ARID1B: variants seen among roughly 807,000 people sequenced by gnomAD.
The protein encoded by ARID1B is AT-rich interaction domain 1B, also known as AT-rich interactive domain-containing protein 1B.
ARID1B carries 30 observed loss-of-function variants against 212.3 expected under a neutral mutation model. The ratio of observed to expected loss-of-function variants is 0.14; its 90% CI spans 0.11 to 0.19. The LOEUF (loss-of-function observed/expected upper bound fraction) is 0.19. Ranked by LOEUF, ARID1B falls within the 10% of genes least tolerant of loss-of-function variation. ARID1B has a pLI of 1.00. For synonymous variants in ARID1B, 1,402 were observed against 1,301.7 expected, an observed-to-expected ratio of 1.08 and a Z score of -1.66; for missense variants, 2,891 against 3,204.0, an observed-to-expected ratio of 0.90 and a Z score of 2.36.
chr6:156,996,664 G>T (rs995327459), intron 4 of ARID1B, among the ~76,000 whole-genome samples: 18 of 152,046 alleles, frequency 1.2e-4, no homozygotes, highest in African/African-American at 4.1e-4. Flanking sequence ...GCTGCATTTT[G>T]GGTTTTTTTG....
intron 1 of ARID1B, among the ~76,000 whole-genome samples, chr6:156,811,266 A>G (rs1165026183): frequency 2.6e-5 from 4 of 152,180 alleles, no homozygotes; most frequent in Non-Finnish European, 4.4e-5. Flanking sequence ...TTCCTTTGCT[A>G]TATTTTCTTA....
chr6:157,056,898 C>CT (rs200338498), intron 4 of ARID1B, among the ~76,000 whole-genome samples: 1,864 of 146,228 alleles, frequency 0.013, 15 homozygotes, highest in Non-Finnish European at 0.019. Flanking sequence ...AACTTTTCTT[C>CT]TTTTTTTTAA....
Position 157,148,512 on chromosome 6 carries a change from C to T in ARID1B, c.2762-112C>T, listed in dbSNP as rs556064229. On this transcript the variant is annotated intron_variant, in intron 7 of 19. Transcript: ENST00000636930. The surrounding 1 kb of genome is among the most constrained non-coding windows in gnomAD (Gnocchi z 5.6). ...CAGCAGCAACAGGAAGGGCCTATAA[C>T]GGTCATGACTAATACTCCGTGCTGA... 2.7e-4 allele frequency: 319 copies of T among 1,194,322 alleles called. 2 individuals carry two copies. The Middle Eastern group carries it at 5.4e-3, about 20-fold the overall frequency. The allele number at this position is 1,194,322 out of a possible 1,614,324, so 74.0% of individuals were successfully genotyped here.
At chr6:157,154,062 T>C (rs1298369672) in intron 8 of ARID1B, among the ~76,000 whole-genome samples, 1 of 152,240 alleles carries the variant, frequency 6.6e-6, no homozygotes, top group Non-Finnish European at 1.5e-5. Context: ...TAGTCCTAGA[T>C]GGTACCTGGT....
At chr6:156,802,424 T>G (rs1780855064) in intron 1 of ARID1B, among the ~76,000 whole-genome samples, 1 of 152,228 alleles carries the variant, frequency 6.6e-6, no homozygotes, top group African/African-American at 2.4e-5. Context: ...TTTTTAGGAT[T>G]TAGTAGTTTG....
At chr6:156,905,305 C>T (rs1789287748) in intron 3 of ARID1B, among the ~76,000 whole-genome samples, 1 of 143,340 alleles carries the variant, frequency 7.0e-6, no homozygotes, top group South Asian at 2.2e-4. Context: ...GGAATTGGCT[C>T]ATATGCTTAT....
At chr6:156,838,142 T>A (rs908061427) in intron 2 of ARID1B, among the ~76,000 whole-genome samples, 8 of 152,222 alleles carry the variant, frequency 5.3e-5, no homozygotes, top group Non-Finnish European at 1.2e-4. Context: ...TATTTTATTT[T>A]TTTTAAATAA....
chr6:157,144,250 G>A (rs888070611), intron 7 of ARID1B, among the ~76,000 whole-genome samples: 1 of 152,214 alleles, frequency 6.6e-6, no homozygotes, highest in Non-Finnish European at 1.5e-5. Flanking sequence ...CCAGCTATAA[G>A]CAGAATTCTA....
chr6:156,951,876 C>T (rs1488408340), intron 4 of ARID1B, among the ~76,000 whole-genome samples: 1 of 151,936 alleles, frequency 6.6e-6, no homozygotes, highest in Non-Finnish European at 1.5e-5. Flanking sequence ...TAATATAGTG[C>T]TAAAAAAGTG....
At chr6:157,095,089 G>A (rs1274595985) in intron 5 of ARID1B, among the ~76,000 whole-genome samples, 2 of 152,148 alleles carry the variant, frequency 1.3e-5, no homozygotes, top group Admixed American at 1.3e-4. Flanking sequence ...TTCAGGATGA[G>A]GTCCCCTGGG....
chr6:157,169,874 CAG>C (rs1423181435), intron 9 of ARID1B: 1 of 152,200 alleles, frequency 6.6e-6, no homozygotes, highest in Non-Finnish European at 1.5e-5. Flanking sequence ...GGCTTTCTCA[CAG>C]AGAGCCCTGG....
chr6:156,793,709 C>T (rs182941829), intron 1 of ARID1B, among the ~76,000 whole-genome samples: 28 of 152,322 alleles, frequency 1.8e-4, no homozygotes, highest in Admixed American at 3.3e-4. Flanking sequence ...GCCTGTCGTT[C>T]TAGTCAGGAG....
intron 13 of ARID1B, among the ~76,000 whole-genome samples, chr6:157,187,888 G>C (rs953150092): frequency 1.1e-4 from 16 of 152,002 alleles, no homozygotes; most frequent in Non-Finnish European, 2.4e-4. Context: ...GGAGGCTGTC[G>C]GCTGGAGCGG....
At chr6:157,133,836 C>T (rs1371319550) in intron 7 of ARID1B, among the ~76,000 whole-genome samples, 2 of 152,180 alleles carry the variant, frequency 1.3e-5, no homozygotes, top group Non-Finnish European at 2.9e-5. Flanking sequence ...GGCCTTCCTC[C>T]TTCCTGGAAG....
intron 4 of ARID1B, among the ~76,000 whole-genome samples, chr6:157,007,913 G>A (rs1779344078): frequency 6.6e-6 from 1 of 151,618 alleles, no homozygotes; most frequent in African/African-American, 2.4e-5. Context: ...CCTGACCTCG[G>A]GATCCGCCCA....
At chr6:156,874,715 T>C (rs1268306793) in intron 2 of ARID1B, among the ~76,000 whole-genome samples, 1 of 152,214 alleles carries the variant, frequency 6.6e-6, no homozygotes, top group East Asian at 1.9e-4. Flanking sequence ...GTGCCATTAT[T>C]TGTGACTTGG....
At chr6:157,039,694 CTTCTTTCTTTCCTTTCT>C (rs1781665722) in intron 4 of ARID1B, among the ~76,000 whole-genome samples, 1 of 58,440 alleles carries the variant, frequency 1.7e-5, no homozygotes, top group Non-Finnish European at 3.7e-5. Flanking sequence ...TCCTTCCTTC[CTTCTTTCTTTCCTTTCT>C]TTCCTTCCTT....
chr6:156,777,868 A>ACGG lies in ARID1B; in HGVS notation c.199_201dup (p.Gly67dup), dbSNP rs1291126502. Reference sequence around the variant, plus strand: ...GGACCCATGCTGGGGGGCGGCGGCGACGGCGGCGGCGGCCTGAACAGTGTG... The same window carrying ACGG: ...GGACCCATGCTGGGGGGCGGCGGCGACGGCGGCGGCGGCGGCCTGAACAGTGTG... On this transcript the variant is annotated inframe_insertion, in exon 1 of 20. Transcript: ENST00000636930. 31 of 1,333,790 alleles carry ACGG rather than the reference A, an allele frequency of 2.3e-5. No homozygotes were observed. The highest frequency in any genetic ancestry group is 2.8e-4 in the Middle Eastern group (1 of 3,610). The allele number at this position is 1,333,790 out of a possible 1,614,324, so 82.6% of individuals were successfully genotyped here.
In ARID1B at chr6:157,021,772, T is replaced by A. The variant is rs993101265; in HGVS notation, c.2248-62890T>A. 9.9e-5 allele frequency among the ~76,000 whole-genome samples: 15 copies of A among 151,752 alleles called. 1 individual carries two copies. The highest frequency in any genetic ancestry group is 3.6e-4 in the African/African-American group (15 of 41,370). ...CCTGGAGGCGGGAGGCGGCGGCCGC[T>A]CGCACAGCGTGTTTTCTAAAGTTTC... On this transcript the variant is annotated intron_variant, in intron 4 of 19. Transcript: ENST00000636930.
Sources: allele counts gnomAD v4.1 joint callset (sites outside exome capture counted in the v4.1 genomes callset), GRCh38; gene constraint gnomAD v4.1.1; non-coding constraint Gnocchi (gnomAD v3.1); transcripts MANE v1.5; gene names NCBI Gene and HGNC (gene_info 2026-07-23, HGNC 2026-07-21).